DIAPH2: variants seen among roughly 807,000 people sequenced by gnomAD.
DIAPH2 encodes diaphanous related formin 2, also known as protein diaphanous homolog 2.
A neutral mutation model predicts 92.7 loss-of-function variants in DIAPH2; 35 were observed. That is an observed-to-expected ratio of 0.38 (90% CI 0.29 to 0.50). The LOEUF (loss-of-function observed/expected upper bound fraction) is 0.50. DIAPH2 is among the 20% of genes least tolerant of loss of function. The pLI is 0.94. For synonymous variants in DIAPH2, 301 were observed against 280.4 expected (o/e 1.07, Z -0.73); for missense variants, 701 against 819.5 (o/e 0.86, Z 1.77).
chrX:97,464,758 T>A (rs2070494656), intron 26 of DIAPH2, among the ~76,000 whole-genome samples: 1 of 112,162 alleles, frequency 8.9e-6, no homozygotes, highest in South Asian at 3.7e-4. Flanking sequence ...ATCCTAGCAC[T>A]CTAACACAAT....
intron 26 of DIAPH2, among the ~76,000 whole-genome samples, chrX:97,593,492 A>T (rs2147887217): frequency 9.0e-6 from 1 of 110,980 alleles, no homozygotes; most frequent in South Asian, 3.8e-4. Flanking sequence ...AAAAAAAAAC[A>T]AGTTAAACCT....
At chrX:96,735,929 C>G (rs1382350162) in intron 2 of DIAPH2, 139 bp downstream of exon 2, 2 of 380,600 alleles carry the variant, frequency 5.3e-6, no homozygotes, top group South Asian at 8.3e-5. Flanking sequence ...GAATAATTGT[C>G]AATTCAGTGA....
chrX:97,262,092 T>TAAAAAAAAAAA (rs35665297), intron 23 of DIAPH2, among the ~76,000 whole-genome samples: 6 of 60,514 alleles, frequency 9.9e-5, no homozygotes, highest in African/African-American at 1.4e-4. Flanking sequence ...GATGAGAAAC[T>TAAAAAAAAAAA]AAAAAAAAAA....
intron 1 of DIAPH2, among the ~76,000 whole-genome samples, chrX:96,729,453 C>G (rs2064041398): frequency 8.9e-6 from 1 of 111,808 alleles, no homozygotes; most frequent in Non-Finnish European, 1.9e-5. Context: ...GAACCATTTA[C>G]CCTTAGTCCT....
intron 18 of DIAPH2, 83 bp from the exon 19 acceptor site, chrX:97,075,073 ATATTTTGAGTC>A: frequency 1.3e-5 from 7 of 543,237 alleles, no homozygotes; most frequent in Non-Finnish European, 2.0e-5. Flanking sequence ...GACAAATTTC[ATATTTTGAGTC>A]TATGAAATGA....
At position 97,443,795 on chromosome X, in the gene DIAPH2, C is replaced by A. The variant is rs775317565; in HGVS notation, c.3241+14050C>A. Among the ~76,000 whole-genome samples the A allele has an allele frequency of 2.7e-5, 3 of 112,189 alleles. No individual in the cohort carries two copies. The East Asian group carries it at 8.4e-4, about 31-fold the overall frequency. ...CATTCATTGTGTTTGCATTTGACTG[C>A]TACCCCTATGTCATTCTCAACTCAA... On this transcript the variant is annotated intron_variant, in intron 26 of 26. Transcript: ENST00000324765.
chrX:97,369,586 A>T (rs977043216), intron 24 of DIAPH2, among the ~76,000 whole-genome samples: 3 of 108,245 alleles, frequency 2.8e-5, no homozygotes, highest in African/African-American at 1.0e-4. Flanking sequence ...TTGATGTTTT[A>T]TATATATATA....
At chrX:97,506,428 G>A (rs1429330399) in intron 26 of DIAPH2, among the ~76,000 whole-genome samples, 1 of 103,063 alleles carries the variant, frequency 9.7e-6, no homozygotes, top group Non-Finnish European at 2.0e-5. Flanking sequence ...TGGGATTAGA[G>A]GCGTCAGCCA....
chrX:97,294,521 A>G (rs1602486002), intron 23 of DIAPH2, among the ~76,000 whole-genome samples: 1 of 111,675 alleles, frequency 9.0e-6, no homozygotes, highest in African/African-American at 3.2e-5. Flanking sequence ...TTCAAGTTAT[A>G]TTTGTGCATA....
chrX:96,689,397 G>C (rs980626039), intron 1 of DIAPH2, among the ~76,000 whole-genome samples: 14 of 107,943 alleles, frequency 1.3e-4, no homozygotes, highest in African/African-American at 4.4e-4. Flanking sequence ...TCTTGGAAAA[G>C]CATGCTAGAA....
At chrX:97,580,045 C>T (rs1219003272) in intron 26 of DIAPH2, among the ~76,000 whole-genome samples, 3 of 111,745 alleles carry the variant, frequency 2.7e-5, no homozygotes, top group African/African-American at 9.8e-5. Flanking sequence ...CTGAAGTTGC[C>T]TGTCAGCTTA....
At chrX:96,886,436 T>C (rs1336628095) in intron 5 of DIAPH2, among the ~76,000 whole-genome samples, 3 of 110,927 alleles carry the variant, frequency 2.7e-5, no homozygotes, top group African/African-American at 9.8e-5. Flanking sequence ...CTCCGTACTT[T>C]CAGGAAAACT....
Position 97,467,361 on chromosome X carries a change from A to G in DIAPH2, c.3241+37616A>G, listed in dbSNP as rs146506924. ...TTGTTCAAAGATTTGAAATAAATGC[A>G]CAAAGTCTTCCTTCTTTGTAGTAGA... On this transcript the variant is annotated intron_variant, in intron 26 of 26. Coordinates refer to ENST00000324765, the MANE Select transcript of DIAPH2 (RefSeq NM_006729.5). 5.6e-3 allele frequency among the ~76,000 whole-genome samples: 633 copies of G among 112,305 alleles called. 2 individuals carry two copies. The highest frequency in any genetic ancestry group is 0.019 in the African/African-American group (600 of 30,971).
intron 26 of DIAPH2, 65 bp downstream of exon 26, chrX:97,429,810 C>CA (rs375312429): frequency 0.032 from 23,935 of 756,372 alleles, no homozygotes; most frequent in Non-Finnish European, 0.035. Flanking sequence ...GTAGCAACAC[C>CA]AAAAAAAAAA....
At position 96,763,081 on chromosome X, in the gene DIAPH2, C is replaced by T. The variant is rs745356541; in HGVS notation, c.447+4823C>T. On this transcript the variant is annotated intron_variant, in intron 4 of 26. Transcript: ENST00000324765. The stretch of plus-strand genomic sequence containing the variant: ...TTTTTTTTACACCATAACCACTCTT[C>T]GTTGACCACTGCATGCAGATAGTTG... The T allele has an allele frequency of 4.3e-5, 41 of 957,320 alleles. No individual in the cohort carries two copies. In the African/African-American group the frequency reaches 7.9e-4, roughly 18 times the overall value. The allele number at this position is 957,320 out of a possible 1,213,427, so 78.9% of individuals were successfully genotyped here.
At chrX:97,134,664 A>G (rs755991224) in intron 21 of DIAPH2, among the ~76,000 whole-genome samples, 1 of 111,531 alleles carries the variant, frequency 9.0e-6, no homozygotes, top group African/African-American at 3.3e-5. Flanking sequence ...GGGACCAGGG[A>G]TTGAGAACCA....
chrX:97,208,283 A>G (rs2067813853), intron 22 of DIAPH2, among the ~76,000 whole-genome samples: 1 of 112,232 alleles, frequency 8.9e-6, no homozygotes, highest in African/African-American at 3.2e-5. Context: ...AATAGTAAAC[A>G]AGACATGGTC....
chrX:96,954,094 C>T (rs1006491190), intron 15 of DIAPH2: 2 of 112,196 alleles, frequency 1.8e-5, no homozygotes, highest in Non-Finnish European at 3.8e-5. Context: ...TTTAACAAAG[C>T]CACGGGTGAG....
At chrX:97,275,963 G>A (rs928601872) in intron 23 of DIAPH2, among the ~76,000 whole-genome samples, 2 of 112,625 alleles carry the variant, frequency 1.8e-5, no homozygotes, top group African/African-American at 6.4e-5. Context: ...CCGAGATCAC[G>A]CCACTGCACT....
Sources: gnomAD v4.1 joint callset for allele counts (sites outside exome capture counted in the v4.1 genomes callset) on GRCh38, gnomAD v4.1.1 for gene constraint, MANE v1.5 for transcripts, NCBI Gene and HGNC (gene_info 2026-07-23, HGNC 2026-07-21) for gene names.